Variants in ARL2 observed in about 807,000 individuals in gnomAD.
ARL2 encodes ARF like GTPase 2.
ARL2 carries 11 observed loss-of-function variants against 22.0 expected under a neutral mutation model. The observed-to-expected ratio is 0.50, with a 90% CI of 0.31 to 0.83. The LOEUF is 0.83. ARL2 is among the 40% of genes least tolerant of loss of function. The probability of loss-of-function intolerance (pLI) is 0.04; values close to 1 mark genes in which losing one functional copy is unlikely to be tolerated. For missense variants in ARL2, 216 were observed against 243.2 expected (o/e 0.89, Z 0.74); for synonymous variants, 111 against 100.8 (o/e 1.10, Z -0.61).
rs1443277084 is a variant in ARL2, at chr11:65,018,750, C to T, written c.339+17C>T. The T allele has an allele frequency of 1.2e-6, 2 of 1,613,534 alleles. No individual in the cohort carries two copies. Among genetic ancestry groups the T allele is most frequent in the Admixed American group, 3.3e-5 (2 of 60,008 alleles). ...GTGGAGGAGGTGGGCAGCTCCTACCCTTTGTGTACATGTATGGACGTGTGG... is the reference window on the plus strand; with the variant it reads ...GTGGAGGAGGTGGGCAGCTCCTACCTTTTGTGTACATGTATGGACGTGTGG... On this transcript the variant is annotated intron_variant, in intron 3 of 4. Coordinates refer to ENST00000246747, the MANE Select transcript of ARL2 (RefSeq NM_001667.4). The surrounding 1 kb of genome is among the most constrained non-coding windows in gnomAD (Gnocchi z 4.2).
rs1403572526 is a variant in ARL2, at chr11:65,018,693, A to C, written c.299A>C (p.Gln100Pro). 1.2e-6 allele frequency: 2 copies of C among 1,614,220 alleles called. No homozygotes were observed. Among genetic ancestry groups the C allele is most frequent in the South Asian group, 2.2e-5 (2 of 91,086 alleles). ...VVDSADRQRM[Q>P]DCQRELQSLL... Reference sequence around the variant, plus strand: ...GACAGCGCAGACCGCCAGCGCATGCAGGACTGCCAGCGGGAGCTCCAGAGC... The same window carrying C: ...GACAGCGCAGACCGCCAGCGCATGCCGGACTGCCAGCGGGAGCTCCAGAGC... Residue 100 changes from glutamine (Q) to proline (P), a missense_variant, in exon 3 of 5, where the codon CAG becomes CCG. Physicochemically the swap from Gln to Pro is moderately conservative, Grantham distance 76. Transcript: ENST00000246747. The surrounding 1 kb of genome is among the most constrained non-coding windows in gnomAD (Gnocchi z 4.2).
At position 65,018,966 on chromosome 11, in the gene ARL2, C is replaced by A. The variant is rs1946294132; in HGVS notation, c.339+233C>A. The A allele has an allele frequency of 5.4e-6, 8 of 1,492,302 alleles. No individual in the cohort carries two copies. Among genetic ancestry groups the A allele is most frequent in the Non-Finnish European group, 7.2e-6 (8 of 1,118,316 alleles). The allele number at this position is 1,492,302 out of a possible 1,614,324, so 92.4% of individuals were successfully genotyped here. ...ACTACCCTGAGCATCAGTTTCTATG[C>A]CTTGAAATGGTGATGATGACACCCA... is the stretch of plus-strand genomic sequence containing the variant. On this transcript the variant is annotated intron_variant, in intron 3 of 4. Transcript: ENST00000246747. This position sits in a 1 kb window ranked among gnomAD's most constrained non-coding sequence, Gnocchi z 4.2.
chr11:65,021,960 C>A lies in ARL2; in HGVS notation c.*105C>A. On this transcript the variant is annotated 3_prime_UTR_variant, in exon 5 of 5. Coordinates refer to ENST00000246747, the MANE Select transcript of ARL2 (RefSeq NM_001667.4). ...GCCGGCCAAACTAACACTCCCCCTC[C>A]TCCACCCCAGCCTGCTGCTGCTACT... is the stretch of plus-strand genomic sequence containing the variant. 1 of 1,461,240 alleles carries A rather than the reference C, an allele frequency of 6.8e-7. No individual in the cohort carries two copies. Among genetic ancestry groups the A allele is most frequent in the Non-Finnish European group, 9.2e-7 (1 of 1,085,230 alleles). 90.5% of individuals were successfully genotyped at this position (1,461,240 alleles called of 1,614,324 possible). A position where few individuals can be genotyped will look rare whatever the true frequency, so the allele number is the denominator to read the frequency against.
chr11:65,018,366 G>T lies in ARL2; in HGVS notation c.68G>T (p.Gly23Val). 6.3e-7 allele frequency: 1 copy of T among 1,599,950 alleles called. No homozygotes were observed. Among genetic ancestry groups the T allele is most frequent in the Non-Finnish European group, 8.5e-7 (1 of 1,174,040 alleles). The part of the protein sequence containing the change: ...KERELRLLML[G>V]LDNAGKTTIL... ...CTCCTTAACCTGCTGCGCCCCAGTG[G>T]CCTGGACAATGCTGGAAAGACAACC... Residue 23 changes from glycine (G) to valine (V), a missense_variant and splice_region_variant, in exon 2 of 5, where the codon GGC (glycine) becomes GTC (valine). Coordinates refer to ENST00000246747, the MANE Select transcript of ARL2 (RefSeq NM_001667.4). The surrounding 1 kb of genome is among the most constrained non-coding windows in gnomAD (Gnocchi z 4.2).
rs1378214558 is a variant in ARL2 at position 65,018,479 on chromosome 11, G to A, written c.176+5G>A. 1 of 1,606,108 alleles carries A rather than the reference G, an allele frequency of 6.2e-7. No homozygotes were observed. Among genetic ancestry groups the A allele is most frequent in the Non-Finnish European group, 8.5e-7 (1 of 1,176,578 alleles). On this transcript the variant is annotated splice_donor_5th_base_variant and intron_variant, in intron 2 of 4. Coordinates refer to ENST00000246747, the MANE Select transcript of ARL2 (RefSeq NM_001667.4). This position sits in a 1 kb window ranked among gnomAD's most constrained non-coding sequence, Gnocchi z 4.2. ...CAAGACCCTGGAGCACCGAGGGTGA[G>A]CAGGGGCCCCATGGGAGGGCCAGCC...
At position 65,019,935 on chromosome 11, in the gene ARL2, G is replaced by A. The variant is rs74846937; in HGVS notation, c.340-484G>A. Among the ~76,000 whole-genome samples the A allele has an allele frequency of 9.7e-3, 1,471 of 152,218 alleles. 34 individuals carry two copies. Among genetic ancestry groups the A allele is most frequent in the African/African-American group, 0.034 (1,405 of 41,526 alleles). ...AGGTCAAGGCCCAAGGGTTAGACCCGTCCACCCACATCTCTCCCAATCACA... is the reference window on the plus strand; with the variant it reads ...AGGTCAAGGCCCAAGGGTTAGACCCATCCACCCACATCTCTCCCAATCACA... On this transcript the variant is annotated intron_variant, in intron 3 of 4. Transcript: ENST00000246747.
intron 1 of ARL2, among the ~76,000 whole-genome samples, chr11:65,015,437 T>C (rs1395335801): frequency 6.6e-6 from 1 of 152,198 alleles, no homozygotes; most frequent in Non-Finnish European, 1.5e-5. Context: ...TTTAAAGAGC[T>C]CTAAGAAAAG....
Position 65,018,358 on chromosome 11 carries a change from C to T in ARL2, c.66-6C>T, listed in dbSNP as rs1305237490. Reference sequence around the variant, plus strand: ...AGGGACTTCTCCTTAACCTGCTGCGCCCCAGTGGCCTGGACAATGCTGGAA... The same window carrying T: ...AGGGACTTCTCCTTAACCTGCTGCGTCCCAGTGGCCTGGACAATGCTGGAA... On this transcript the variant is annotated splice_region_variant and splice_polypyrimidine_tract_variant and intron_variant, in intron 1 of 4. Coordinates refer to ENST00000246747, the MANE Select transcript of ARL2 (RefSeq NM_001667.4). The surrounding 1 kb of genome is among the most constrained non-coding windows in gnomAD (Gnocchi z 4.2). 1 of 1,593,600 alleles carries T rather than the reference C, an allele frequency of 6.3e-7. No homozygotes were observed. Among genetic ancestry groups the T allele is most frequent in the Non-Finnish European group, 8.5e-7 (1 of 1,170,510 alleles).
Position 65,018,270 on chromosome 11 carries a change from CATGGTGGGAAATA to C in ARL2, c.66-90_66-78del. ...GGCATGTGCTCAACTCAGTTTGATA[CATGGTGGGAAATA>C]ATGAGTCCCCTAAGGGGCTCTGCAA... On this transcript the variant is annotated intron_variant, in intron 1 of 4. Coordinates refer to ENST00000246747, the MANE Select transcript of ARL2 (RefSeq NM_001667.4). The surrounding 1 kb of genome is among the most constrained non-coding windows in gnomAD (Gnocchi z 4.2). 1.0e-6 allele frequency: 1 copy of C among 977,052 alleles called. No individual in the cohort carries two copies. The highest frequency in any genetic ancestry group is 1.6e-5 in the South Asian group (1 of 63,384). 60.5% of individuals were successfully genotyped at this position (977,052 alleles called of 1,614,324 possible).
chr11:65,014,848 G>A (rs192134757), intron 1 of ARL2, among the ~76,000 whole-genome samples: 1 of 152,258 alleles, frequency 6.6e-6, no homozygotes, highest in African/African-American at 2.4e-5. Flanking sequence ...TTAGGCGCCC[G>A]CACCTGTTCC....
intron 1 of ARL2, among the ~76,000 whole-genome samples, chr11:65,015,958 C>T (rs1946247418): frequency 6.6e-6 from 1 of 152,086 alleles, no homozygotes; most frequent in Non-Finnish European, 1.5e-5. Context: ...GTAATCCCAG[C>T]ACTTTGAAAG....
intron 1 of ARL2, among the ~76,000 whole-genome samples, chr11:65,017,504 C>T (rs1946272396): frequency 6.6e-6 from 1 of 152,030 alleles, no homozygotes; most frequent in Non-Finnish European, 1.5e-5. Context: ...CCTATTTGCT[C>T]TTTTTAAGGT....
At chr11:65,020,520 A>G (rs1232612164) in intron 4 of ARL2, 21 bp downstream of exon 4, 2 of 1,578,592 alleles carry the variant, frequency 1.3e-6, no homozygotes, top group Non-Finnish European at 1.7e-6. Flanking sequence ...GCCCCGGGAC[A>G]GGCTCGCTGA....
At chr11:65,015,200 G>GC (rs1266553516) in intron 1 of ARL2, among the ~76,000 whole-genome samples, 2 of 151,986 alleles carry the variant, frequency 1.3e-5, no homozygotes, top group Non-Finnish European at 2.9e-5. Flanking sequence ...TGCAACCTCC[G>GC]CCCCCCGAGT....
Position 65,020,442 on chromosome 11 carries a change from C to T in ARL2, c.363C>T (p.Leu121=), listed in dbSNP as rs762322883. The change falls in exon 4 of 5, where the codon CTC becomes CTT. Residue 121 remains leucine, a synonymous_variant. Coordinates refer to ENST00000246747, the MANE Select transcript of ARL2 (RefSeq NM_001667.4). ...VEERLAGATL[L]IFANKQDLPG... ...AGCGCCTGGCCGGAGCAACCCTCCT[C>T]ATCTTTGCTAATAAGCAGGACCTGC... The T allele has an allele frequency of 6.2e-7, 1 of 1,613,198 alleles. No homozygotes were observed. The highest frequency in any genetic ancestry group is 2.2e-5 in the East Asian group (1 of 44,860).
rs768907538 is a variant in ARL2 at position 65,021,647 on chromosome 11, G to C, written c.421-74G>C. ...GGAAGGCGTGGAGTTCCTCTGGGCT[G>C]GGGAGGGAAGGGGCTGACGGCAGGC... On this transcript the variant is annotated intron_variant, in intron 4 of 4. Transcript: ENST00000246747. 5 of 1,497,236 alleles carry C rather than the reference G, an allele frequency of 3.3e-6. No homozygotes were observed. The East Asian group carries it at 1.2e-4, about 35-fold the overall frequency. 92.7% of individuals were successfully genotyped at this position (1,497,236 alleles called of 1,614,324 possible).
Position 65,018,719 on chromosome 11 carries a change from C to T in ARL2, c.325C>T (p.Leu109=). The T allele has an allele frequency of 1.2e-6, 2 of 1,614,160 alleles. No individual in the cohort carries two copies. The highest frequency in any genetic ancestry group is 1.7e-6 in the Non-Finnish European group (2 of 1,180,036). ...GGACTGCCAGCGGGAGCTCCAGAGC[C>T]TGCTGGTGGAGGAGGTGGGCAGCTC... ...MQDCQRELQS[L]LVEERLAGAT... Residue 109 remains leucine, a synonymous_variant, in exon 3 of 5, where the codon CTG becomes TTG. Coordinates refer to ENST00000246747, the MANE Select transcript of ARL2 (RefSeq NM_001667.4). This position sits in a 1 kb window ranked among gnomAD's most constrained non-coding sequence, Gnocchi z 4.2.
At chr11:65,020,714 C>A (rs552528459) in intron 4 of ARL2, among the ~76,000 whole-genome samples, 1 of 151,788 alleles carries the variant, frequency 6.6e-6, no homozygotes, top group Non-Finnish European at 1.5e-5. Flanking sequence ...ACTAAAAATA[C>A]AAAAATTAGC....
intron 1 of ARL2, among the ~76,000 whole-genome samples, chr11:65,014,982 C>G (rs1274436331): frequency 6.6e-6 from 1 of 152,262 alleles, no homozygotes; most frequent in Non-Finnish European, 1.5e-5. Flanking sequence ...CTCTGTTGCC[C>G]TGGCTGGAGT....
Sources: allele counts gnomAD v4.1 joint callset (sites outside exome capture counted in the v4.1 genomes callset), GRCh38; gene constraint gnomAD v4.1.1; non-coding constraint Gnocchi (gnomAD v3.1); transcripts MANE v1.5; gene names NCBI Gene and HGNC (gene_info 2026-07-23, HGNC 2026-07-21).